MYH15: variants seen among roughly 807,000 people sequenced by gnomAD.
MYH15 encodes myosin-15.
Under a neutral mutation model 240.5 loss-of-function variants are expected in MYH15, and 227 were observed. The observed-to-expected ratio is 0.94, with a 90% CI of 0.85 to 1.05. MYH15 has a LOEUF of 1.05. MYH15 is among the 50% of genes least tolerant of loss of function. The pLI, the probability that MYH15 is intolerant of heterozygous loss-of-function variation, is 0.00. For synonymous variants in MYH15, 785 were observed against 796.7 expected, an observed-to-expected ratio of 0.99 and a Z score of 0.25; for missense variants, 2,217 against 2,247.5, an observed-to-expected ratio of 0.99 and a Z score of 0.27.
At chr3:108,388,858 A>G in intron 38 of MYH15, 112 bp downstream of exon 38, 1 of 820,294 alleles carries the variant, frequency 1.2e-6, no homozygotes, top group South Asian at 1.8e-5. Flanking sequence ...GAAGGAGAAC[A>G]AAGATGAAGA....
chr3:108,413,306 T>C (rs942821689), intron 30 of MYH15, among the ~76,000 whole-genome samples: 1 of 152,240 alleles, frequency 6.6e-6, no homozygotes, highest in Non-Finnish European at 1.5e-5. Context: ...TTTAAGTTAC[T>C]GTGGGTACAG....
intron 27 of MYH15, among the ~76,000 whole-genome samples, chr3:108,423,484 G>T (rs926110246): frequency 3.9e-5 from 6 of 152,164 alleles, no homozygotes; most frequent in Non-Finnish European, 7.4e-5. Context: ...TGCCAGACAT[G>T]CTCAATTGTC....
chr3:108,413,086 C>T (rs2082606811), intron 30 of MYH15, among the ~76,000 whole-genome samples: 1 of 152,162 alleles, frequency 6.6e-6, no homozygotes, highest in South Asian at 2.1e-4. Flanking sequence ...CCTACCCAAT[C>T]CCAAAAGAAA....
chr3:108,529,585 AG>A (rs1343563449), upstream of MYH15, among the ~76,000 whole-genome samples: 2 of 152,220 alleles, frequency 1.3e-5, no homozygotes, highest in African/African-American at 2.4e-5. Context: ...TCTCCAACAT[AG>A]GTCTCTTGAC....
At chr3:108,423,934 G>A (rs937631925) in intron 27 of MYH15, among the ~76,000 whole-genome samples, 1 of 152,202 alleles carries the variant, frequency 6.6e-6, no homozygotes, top group Admixed American at 6.5e-5. Context: ...GAGGAAAATG[G>A]ATAAAAATAG....
At chr3:108,416,775 C>A in intron 29 of MYH15, 37 bp downstream of exon 29, 2 of 1,473,242 alleles carry the variant, frequency 1.4e-6, no homozygotes, top group Admixed American at 1.9e-5. Flanking sequence ...AAAAAACACA[C>A]AGTCAAGAAA....
chr3:108,422,583 G>T (rs1459917668), intron 27 of MYH15, among the ~76,000 whole-genome samples: 1 of 152,110 alleles, frequency 6.6e-6, no homozygotes, highest in Non-Finnish European at 1.5e-5. Flanking sequence ...TTAATTTATT[G>T]GGTGCTTGTT....
At chr3:108,543,407 G>A in the MYH15 span, 2 of 152,194 alleles carry the variant, frequency 1.3e-5, no homozygotes, top group Non-Finnish European at 2.9e-5. Flanking sequence ...CTTTCTCCTT[G>A]AAGACACTGA....
At chr3:108,394,986 C>T (rs1052651769) in intron 35 of MYH15, among the ~76,000 whole-genome samples, 1 of 152,186 alleles carries the variant, frequency 6.6e-6, no homozygotes, top group Admixed American at 6.5e-5. Flanking sequence ...ATACTCCAGG[C>T]CAGGTGTGGT....
At chr3:108,415,384 A>T (rs2082625273) in intron 29 of MYH15, among the ~76,000 whole-genome samples, 1 of 152,226 alleles carries the variant, frequency 6.6e-6, no homozygotes, top group Admixed American at 6.5e-5. Flanking sequence ...TCTGAAAAGG[A>T]TGCAGGCTTT....
chr3:108,453,936 T>G, intron 21 of MYH15, 70 bp downstream of exon 21: 903 of 1,466,212 alleles, frequency 6.2e-4, no homozygotes, highest in Non-Finnish European at 7.4e-4. Flanking sequence ...TATAAGGCAA[T>G]GAGATTAGTT....
At chr3:108,395,635 CTTT>C (rs10708448) in intron 35 of MYH15, among the ~76,000 whole-genome samples, 7 of 135,524 alleles carry the variant, frequency 5.2e-5, no homozygotes, top group Non-Finnish European at 4.7e-5. Context: ...TTTTTTCTTT[CTTT>C]TTTTTTTTTT....
chr3:108,467,789 T>A (rs1260500514), intron 14 of MYH15, among the ~76,000 whole-genome samples: 1 of 152,062 alleles, frequency 6.6e-6, no homozygotes, highest in East Asian at 1.9e-4. Flanking sequence ...ATATGTAAAT[T>A]ATTGATGTAC....
chr3:108,413,603 AG>A (rs1381265915), intron 30 of MYH15, among the ~76,000 whole-genome samples: 1 of 152,120 alleles, frequency 6.6e-6, no homozygotes, highest in Non-Finnish European at 1.5e-5. Flanking sequence ...CCTGGTACTG[AG>A]TCTCAATTCA....
intron 20 of MYH15, among the ~76,000 whole-genome samples, 178 bp from the exon 21 acceptor site, chr3:108,454,320 A>C (rs2083001394): frequency 6.6e-6 from 1 of 151,994 alleles, no homozygotes. Flanking sequence ...TAAATCTAAA[A>C]TGTGAAAAAA....
chr3:108,460,448 G>T, intron 16 of MYH15, 81 bp from the exon 17 acceptor site: 1 of 1,094,448 alleles, frequency 9.1e-7, no homozygotes, highest in Non-Finnish European at 1.3e-6. Context: ...ACTGATGGAA[G>T]CATAAATTCA....
chr3:108,434,450 G>A (rs531174319), intron 25 of MYH15, among the ~76,000 whole-genome samples: 1 of 151,842 alleles, frequency 6.6e-6, no homozygotes, highest in African/African-American at 2.4e-5. Flanking sequence ...CCACAGTGCT[G>A]GGATTACAGG....
At chr3:108,540,445 C>G in the MYH15 span, among the ~76,000 whole-genome samples, 1 of 152,022 alleles carries the variant, frequency 6.6e-6, no homozygotes, top group Admixed American at 6.6e-5. Context: ...CAGAAATAAA[C>G]CATGTTGTTT....
chr3:108,408,544 G>A (rs1443521141), intron 31 of MYH15, 140 bp from the exon 32 acceptor site: 2 of 754,110 alleles, frequency 2.7e-6, no homozygotes, highest in Non-Finnish European at 2.0e-6. Context: ...TATCCTATAT[G>A]GGACCGAGAA....
Sources: allele counts gnomAD v4.1 joint callset (sites outside exome capture counted in the v4.1 genomes callset), GRCh38; gene constraint gnomAD v4.1.1; transcripts MANE v1.5; gene names NCBI Gene and HGNC (gene_info 2026-07-23, HGNC 2026-07-21).